ATP11B: variants seen among roughly 807,000 people sequenced by gnomAD.
ATP11B encodes ATPase phospholipid transporting 11B (putative).
A neutral mutation model predicts 157.8 loss-of-function variants in ATP11B; 81 were observed. The ratio of observed to expected loss-of-function variants is 0.51; its 90% CI spans 0.43 to 0.62. ATP11B has a LOEUF of 0.62. Among genes scored for constraint, ATP11B ranks in the 20% least tolerant of loss-of-function variants. ATP11B has a pLI of 0.00. For missense variants in ATP11B, 1,165 were observed against 1,402.2 expected (o/e 0.83, Z 2.70); for synonymous variants, 451 against 469.4 (o/e 0.96, Z 0.51).
At chr3:182,870,965 A>G (rs1253442379) in intron 17 of ATP11B, among the ~76,000 whole-genome samples, 2 of 149,390 alleles carry the variant, frequency 1.3e-5, no homozygotes, top group Non-Finnish European at 3.0e-5. Flanking sequence ...AAATAATGTT[A>G]TATAGTATTT....
intron 7 of ATP11B, among the ~76,000 whole-genome samples, chr3:182,840,125 A>G (rs1336889823): frequency 1.3e-5 from 2 of 152,154 alleles, no homozygotes; most frequent in African/African-American, 4.8e-5. Flanking sequence ...TGCTGTTTCA[A>G]ATACTGTATG....
intron 1 of ATP11B, among the ~76,000 whole-genome samples, chr3:182,818,674 T>C (rs1210417390): frequency 6.6e-6 from 1 of 152,216 alleles, no homozygotes; most frequent in Non-Finnish European, 1.5e-5. Context: ...TCCAATGGAC[T>C]AAGCAAAATA....
rs763541211 is a variant in ATP11B at position 182,859,213 on chromosome 3, A to G, written c.1054A>G (p.Ile352Val). The change falls in exon 12 of 30, where the codon ATC (isoleucine) becomes GTC (valine). Residue 352 changes from isoleucine (I) to valine (V), a missense_variant. Around this residue, in one of 4 missense-constraint regions of ATP11B, gnomAD observed 737 missense variants for 930.5 expected, o/e 0.79. Transcript: ENST00000323116. ...TGCTTTTTTGGTTCTCTACAATTTC[A>G]TCATTCCAATTTCATTATATGTGAC... Reference protein sequence around the residue: ...FLAFLVLYNFIIPISLYVTVE... With the variant: ...FLAFLVLYNFVIPISLYVTVE... 48 of 1,612,502 alleles carry G rather than the reference A, an allele frequency of 3.0e-5. No homozygotes were observed. Among genetic ancestry groups the G allele is most frequent in the Non-Finnish European group, 4.0e-5 (47 of 1,179,262 alleles).
chr3:182,811,095 A>G (rs1716637393), intron 1 of ATP11B, among the ~76,000 whole-genome samples: 1 of 152,098 alleles, frequency 6.6e-6, no homozygotes, highest in Admixed American at 6.6e-5. Context: ...ATGAATAATC[A>G]GATGCTGAAG....
intron 21 of ATP11B, among the ~76,000 whole-genome samples, chr3:182,881,967 A>G (rs1177524243): frequency 6.6e-6 from 1 of 152,214 alleles, no homozygotes; most frequent in Non-Finnish European, 1.5e-5. Context: ...TAAAACTTTT[A>G]TTAGATTCAG....
chr3:182,855,175 G>A (rs935659227), intron 10 of ATP11B, among the ~76,000 whole-genome samples: 5 of 152,144 alleles, frequency 3.3e-5, no homozygotes, highest in Non-Finnish European at 5.9e-5. Context: ...CAGTAATCAA[G>A]ACAATTTGGT....
In ATP11B at chr3:182,872,361, G is replaced by A; in HGVS notation, c.1872G>A (p.Gly624=). Residue 624 remains glycine, a synonymous_variant, in exon 18 of 30, where the codon GGG becomes GGA. Coordinates refer to ENST00000323116, the MANE Select transcript of ATP11B (RefSeq NM_014616.3). The stretch of plus-strand genomic sequence containing the variant: ...TTTTTATTTGTTTGTTTTAGAAAGG[G>A]CTAAGAACTCTGTGTATAGCATATA... ...RIHVDEFALK[G]LRTLCIAYRK... 1 of 1,571,922 alleles carries A rather than the reference G, an allele frequency of 6.4e-7. No homozygotes were observed. Among genetic ancestry groups the A allele is most frequent in the Non-Finnish European group, 8.6e-7 (1 of 1,158,608 alleles).
intron 10 of ATP11B, among the ~76,000 whole-genome samples, chr3:182,856,202 A>G (rs1251491562): frequency 1.3e-5 from 2 of 152,210 alleles, no homozygotes; most frequent in Non-Finnish European, 2.9e-5. Flanking sequence ...ATGTAATTCC[A>G]TCTCTTTTTG....
At position 182,866,329 on chromosome 3, in the gene ATP11B, A is replaced by G. The variant is rs145590630; in HGVS notation, c.1505A>G (p.Asn502Ser). The change falls in exon 14 of 30, where the codon AAT becomes AGT. Residue 502 changes from asparagine (N) to serine (S), a missense_variant. Around this residue, in one of 4 missense-constraint regions of ATP11B, gnomAD observed 737 missense variants for 930.5 expected, o/e 0.79. Coordinates refer to ENST00000323116, the MANE Select transcript of ATP11B (RefSeq NM_014616.3). The part of the protein sequence containing the change: ...VSLCHTVQIS[N>S]VQTDCTGDGP... The stretch of plus-strand genomic sequence containing the variant: ...CTCTGTCACACTGTACAGATTAGCA[A>G]TGTTCAAACTGACTGCACTGGTGAT... 206 of 1,613,808 alleles carry G rather than the reference A, an allele frequency of 1.3e-4. No individual in the cohort carries two copies. The highest frequency in any genetic ancestry group is 2.7e-4 in the Admixed American group (16 of 60,002).
chr3:182,829,820 A>C (rs1188991784), intron 4 of ATP11B, 68 bp downstream of exon 4: 2 of 1,434,620 alleles, frequency 1.4e-6, no homozygotes, highest in African/African-American at 2.9e-5. Flanking sequence ...TTTCCACTCC[A>C]AAGTAACATT....
chr3:182,863,046 A>G (rs981729832), intron 12 of ATP11B, among the ~76,000 whole-genome samples: 7 of 151,698 alleles, frequency 4.6e-5, no homozygotes, highest in Admixed American at 2.6e-4. Context: ...CTCTCCGAGT[A>G]GTTGGGACTA....
intron 13 of ATP11B, 62 bp from the exon 14 acceptor site, chr3:182,866,206 G>C: frequency 2.3e-6 from 3 of 1,296,406 alleles, no homozygotes; most frequent in Non-Finnish European, 3.1e-6. Context: ...TTTTGCCTCT[G>C]GTTTCCTAAA....
chr3:182,802,462 CCAT>C (rs879837298), intron 1 of ATP11B, among the ~76,000 whole-genome samples: 7 of 152,150 alleles, frequency 4.6e-5, no homozygotes, highest in Non-Finnish European at 1.0e-4. Flanking sequence ...TTCTCATCCT[CCAT>C]CACTATTCTC....
At chr3:182,879,921 G>T (rs1027791468) in intron 20 of ATP11B, among the ~76,000 whole-genome samples, 1 of 152,146 alleles carries the variant, frequency 6.6e-6, no homozygotes, top group Non-Finnish European at 1.5e-5. Flanking sequence ...CTAATGTTTC[G>T]CAAGTTAGCT....
chr3:182,849,771 T>G (rs1432599513), intron 10 of ATP11B, among the ~76,000 whole-genome samples: 1 of 152,102 alleles, frequency 6.6e-6, no homozygotes, highest in Non-Finnish European at 1.5e-5. Context: ...AATATTAAGC[T>G]GTTTGGCATA....
At position 182,920,649 on chromosome 3, in the gene ATP11B, A is replaced by AAGAT. The variant is rs1395884175; in HGVS notation, c.*2548_*2551dup. 1 of 152,260 alleles carries AAGAT rather than the reference A, an allele frequency of 6.6e-6. No individual in the cohort carries two copies. The highest frequency in any genetic ancestry group is 1.5e-5 in the Non-Finnish European group (1 of 68,054). 9.4% of individuals were successfully genotyped at this position (152,260 alleles called of 1,614,324 possible). ...GCCTCGTCTGAGGGCTGTAAGCCTG[A>AAGAT]AGATAGTGGCAAGCACCAAGTCAGT... On this transcript the variant is annotated 3_prime_UTR_variant, in exon 30 of 30. Transcript: ENST00000323116.
chr3:182,854,997 AATCGATTAATAGGT>A (rs1388902670), intron 10 of ATP11B, among the ~76,000 whole-genome samples: 5 of 152,198 alleles, frequency 3.3e-5, no homozygotes, highest in Admixed American at 3.3e-4. Flanking sequence ...AGATTTCCCA[AATCGATTAATAGGT>A]ATAATGCAAT....
chr3:182,834,529 T>C (rs907345266), intron 4 of ATP11B, among the ~76,000 whole-genome samples: 1 of 152,164 alleles, frequency 6.6e-6, no homozygotes, highest in Non-Finnish European at 1.5e-5. Context: ...AATGGTAACA[T>C]AGAACAAAAC....
rs368585808 is a variant in ATP11B, at chr3:182,921,309, T to TATC, written c.*3206_*3208dup. The stretch of plus-strand genomic sequence containing the variant: ...ATTTTATTTCTATTTTGAAATGAGT[T>TATC]ATCTATTTTCATAAAAGTAAAACAC... On this transcript the variant is annotated 3_prime_UTR_variant, in exon 30 of 30. Coordinates refer to ENST00000323116, the MANE Select transcript of ATP11B (RefSeq NM_014616.3). 8.5e-5 allele frequency: 13 copies of TATC among 152,142 alleles called. No individual in the cohort carries two copies. The highest frequency in any genetic ancestry group is 3.1e-4 in the African/African-American group (13 of 41,386). The allele number at this position is 152,142 out of a possible 1,614,324, so 9.4% of individuals were successfully genotyped here. A position where few individuals can be genotyped will look rare whatever the true frequency, so the allele number is the denominator to read the frequency against.
Sources: gnomAD v4.1 joint callset for allele counts (sites outside exome capture counted in the v4.1 genomes callset) on GRCh38, gnomAD v4.1.1 for gene constraint, gnomAD v4.1.1 regional missense constraint, MANE v1.5 for transcripts, NCBI Gene and HGNC (gene_info 2026-07-23, HGNC 2026-07-21) for gene names.